Variants in MAST2 observed in about 807,000 individuals in gnomAD.
MAST2 encodes microtubule-associated serine/threonine-protein kinase 2.
A neutral mutation model predicts 147.4 loss-of-function variants in MAST2; 70 were observed. The ratio of observed to expected loss-of-function variants is 0.47; its 90% CI spans 0.39 to 0.58. MAST2 has a LOEUF of 0.58. MAST2 is among the 20% of genes least tolerant of loss of function. The probability of loss-of-function intolerance (pLI) is 0.00; values close to 1 mark genes in which losing one functional copy is unlikely to be tolerated. For missense variants in MAST2, 2,080 were observed against 2,302.3 expected, an observed-to-expected ratio of 0.90 and a Z score of 1.98; for synonymous variants, 869 against 896.8, an observed-to-expected ratio of 0.97 and a Z score of 0.55.
At chr1:45,847,359 AATTT>A (rs1645471251) in intron 3 of MAST2, 1 of 500,544 alleles carries the variant, frequency 2.0e-6, no homozygotes, top group African/African-American at 2.0e-5. Context: ...AAATCAATTT[AATTT>A]AAGTACCTTT....
At chr1:46,012,599 G>C (rs1301593726) in intron 10 of MAST2, among the ~76,000 whole-genome samples, 2 of 152,156 alleles carry the variant, frequency 1.3e-5, no homozygotes, top group Non-Finnish European at 1.5e-5. Flanking sequence ...CTAGAGATAA[G>C]TAGGTTCTGA....
intron 5 of MAST2, among the ~76,000 whole-genome samples, chr1:45,996,430 A>G (rs1444905284): frequency 6.6e-6 from 1 of 152,170 alleles, no homozygotes; most frequent in African/African-American, 2.4e-5. Context: ...AGTCCTGGCT[A>G]AGGAAACAGC....
intron 5 of MAST2, among the ~76,000 whole-genome samples, chr1:45,992,203 G>A (rs1644881305): frequency 6.6e-6 from 1 of 152,020 alleles, no homozygotes. Context: ...GTCAAGTGAG[G>A]AAGTTCTCCT....
chr1:45,962,815 C>T (rs1015059721), intron 5 of MAST2, among the ~76,000 whole-genome samples: 10 of 151,532 alleles, frequency 6.6e-5, no homozygotes, highest in Non-Finnish European at 1.2e-4. Flanking sequence ...GTTGCCATTG[C>T]TTTTAGACAT....
intron 3 of MAST2, among the ~76,000 whole-genome samples, chr1:45,857,850 G>GTT (rs35371770): frequency 0.01 from 669 of 66,490 alleles, no homozygotes; most frequent in Middle Eastern, 0.023. Flanking sequence ...AACATGCGGT[G>GTT]TTTTTTTTTT....
intron 5 of MAST2, among the ~76,000 whole-genome samples, chr1:45,974,459 G>A (rs1484576309): frequency 6.6e-6 from 1 of 152,164 alleles, no homozygotes; most frequent in Non-Finnish European, 1.5e-5. Flanking sequence ...AGCTGGGCAT[G>A]GTGTTGCATA....
chr1:45,844,117 T>C (rs1325913114), intron 3 of MAST2, among the ~76,000 whole-genome samples: 2 of 152,184 alleles, frequency 1.3e-5, no homozygotes, highest in East Asian at 3.9e-4. Context: ...TTTTTGTTTT[T>C]GAGACAGGAT....
chr1:45,868,585 G>C (rs1036724287), intron 3 of MAST2, among the ~76,000 whole-genome samples: 1 of 151,968 alleles, frequency 6.6e-6, no homozygotes, highest in Non-Finnish European at 1.5e-5. Context: ...AGTACTTAGA[G>C]TGTCATTGTT....
intron 4 of MAST2, among the ~76,000 whole-genome samples, chr1:45,922,187 T>C (rs189764380): frequency 6.6e-6 from 1 of 152,136 alleles, no homozygotes; most frequent in Admixed American, 6.5e-5. Flanking sequence ...GGGGAGGAAG[T>C]GCATGCTGGT....
rs144435417 is a variant in MAST2 at position 45,935,866 on chromosome 1, T to G, written c.501-23520T>G. Among the ~76,000 whole-genome samples the G allele has an allele frequency of 2.9e-3, 447 of 152,358 alleles. 3 individuals carry two copies. Among genetic ancestry groups the G allele is most frequent in the East Asian group, 0.021 (107 of 5,186 alleles). On this transcript the variant is annotated intron_variant, in intron 4 of 28. Transcript: ENST00000361297. Reference sequence around the variant, plus strand: ...TTTTTGCTTCTGCTTCAGATTGCCTTGGCTATTTGGGCTCTTTTTTGGTCC... The same window carrying G: ...TTTTTGCTTCTGCTTCAGATTGCCTGGGCTATTTGGGCTCTTTTTTGGTCC...
At chr1:45,847,210 G>T in intron 3 of MAST2, 1 of 528,048 alleles carries the variant, frequency 1.9e-6, no homozygotes, top group South Asian at 1.4e-5. Flanking sequence ...AGAATGTCTG[G>T]AATCTCAAAG....
At chr1:46,011,205 A>G in intron 10 of MAST2, 1 of 453,268 alleles carries the variant, frequency 2.2e-6, no homozygotes. Context: ...AAGCTCCACC[A>G]TGGGTAGTAG....
Position 46,032,326 on chromosome 1 carries a change from G to A in MAST2, c.3336G>A (p.Lys1112=). 6.2e-7 allele frequency: 1 copy of A among 1,614,234 alleles called. No individual in the cohort carries two copies. The highest frequency in any genetic ancestry group is 8.5e-7 in the Non-Finnish European group (1 of 1,180,046). The part of the protein sequence containing the change: ...RPPIIIHRAG[K]KYGFTLRAIR... ...CCATCATCATCCACCGAGCTGGCAA[G>A]AAGTATGGCTTCACCCTGCGGGCCA... Residue 1112 remains lysine (K), a synonymous_variant, in exon 25 of 29, where the codon AAG becomes AAA. Coordinates refer to ENST00000361297, the MANE Select transcript of MAST2 (RefSeq NM_015112.3).
Position 45,879,124 on chromosome 1 carries a change from A to T in MAST2, c.469-3240A>T, listed in dbSNP as rs1280005679. Among the ~76,000 whole-genome samples the T allele has an allele frequency of 2.0e-5, 3 of 152,286 alleles. No individual in the cohort carries two copies. The South Asian group carries it at 6.2e-4, about 32-fold the overall frequency. ...TAGGGCAGAAAAATAGATCAGTAGG[A>T]TGCAATAGAGAGCCCAGAAAGGTTA... On this transcript the variant is annotated intron_variant, in intron 3 of 28. Transcript: ENST00000361297.
rs760156509 is a variant in MAST2 at position 45,992,189 on chromosome 1, C to T, written c.593-5535C>T. On this transcript the variant is annotated intron_variant, in intron 5 of 28. Coordinates refer to ENST00000361297, the MANE Select transcript of MAST2 (RefSeq NM_015112.3). ...AACAAGTATGTCTTCTGTAGATGTT[C>T]TTGGTCAAGTGAGGAAGTTCTCCTG... is the stretch of plus-strand genomic sequence containing the variant. Among the ~76,000 whole-genome samples, 66 of 152,038 alleles carry T rather than the reference C, an allele frequency of 4.3e-4. 1 individual carries two copies. Among genetic ancestry groups the T allele is most frequent in the Non-Finnish European group, 8.8e-4 (60 of 68,036 alleles).
intron 1 of MAST2, among the ~76,000 whole-genome samples, chr1:45,822,269 G>A (rs536390623): frequency 2.0e-4 from 31 of 152,236 alleles, no homozygotes; most frequent in African/African-American, 7.2e-4. Flanking sequence ...GCTTAGGTAT[G>A]TGTACTTTTC....
chr1:45,933,801 T>C lies in MAST2; in HGVS notation c.501-25585T>C, dbSNP rs78936142. 5.6e-4 allele frequency among the ~76,000 whole-genome samples: 85 copies of C among 152,192 alleles called. No individual in the cohort carries two copies. The East Asian group carries it at 0.013, about 23-fold the overall frequency. ...AACTCTGACCCCCCATTACCCTTGATATATTTACTTATTTTTTTCTAGTCT... is the reference window on the plus strand; with the variant it reads ...AACTCTGACCCCCCATTACCCTTGACATATTTACTTATTTTTTTCTAGTCT... On this transcript the variant is annotated intron_variant, in intron 4 of 28. Coordinates refer to ENST00000361297, the MANE Select transcript of MAST2 (RefSeq NM_015112.3).
chr1:45,960,476 T>C (rs1660263073), intron 5 of MAST2, among the ~76,000 whole-genome samples: 1 of 152,074 alleles, frequency 6.6e-6, no homozygotes, highest in Non-Finnish European at 1.5e-5. Context: ...CACTCCAGCC[T>C]GGGCAGCAAC....
chr1:45,881,174 A>C (rs1646830486), intron 3 of MAST2, among the ~76,000 whole-genome samples: 1 of 152,182 alleles, frequency 6.6e-6, no homozygotes. Flanking sequence ...AAACAACTAC[A>C]AGAATGTTTA....
Sources: gnomAD v4.1 joint callset for allele counts (sites outside exome capture counted in the v4.1 genomes callset) on GRCh38, gnomAD v4.1.1 for gene constraint, MANE v1.5 for transcripts, NCBI Gene and HGNC (gene_info 2026-07-23, HGNC 2026-07-21) for gene names.